The following SRGAP3 variants were observed in gnomAD, a reference collection of about 807,000 sequenced individuals.
The protein encoded by SRGAP3 is SLIT-ROBO Rho GTPase activating protein 3, also known as SLIT-ROBO Rho GTPase-activating protein 3.
In SRGAP3, 39 loss-of-function variants were observed where a neutral mutation model predicts 121.1. The observed-to-expected ratio is 0.32, with a 90% CI of 0.25 to 0.42. The LOEUF is 0.42. Among genes scored for constraint, SRGAP3 ranks in the 10% least tolerant of loss-of-function variants. The pLI is 1.00. For missense variants in SRGAP3, 1,213 were observed against 1,470.6 expected (o/e 0.82, Z 2.86); for synonymous variants, 601 against 570.0 (o/e 1.05, Z -0.77).
At chr3:9,207,098 G>T (rs1952291520) in intron 1 of SRGAP3, among the ~76,000 whole-genome samples, 2 of 152,150 alleles carry the variant, frequency 1.3e-5, no homozygotes, top group South Asian at 4.2e-4. Flanking sequence ...TTTTCAGTGG[G>T]GAAATTAGGA....
chr3:9,231,259 G>A (rs998732793), intron 1 of SRGAP3, among the ~76,000 whole-genome samples: 9 of 152,284 alleles, frequency 5.9e-5, no homozygotes, highest in East Asian at 1.9e-4. Context: ...GGGCATTCCC[G>A]TTTCTTGGGA....
chr3:9,194,720 C>T (rs1004406810), intron 1 of SRGAP3, among the ~76,000 whole-genome samples: 1 of 152,222 alleles, frequency 6.6e-6, no homozygotes, highest in Non-Finnish European at 1.5e-5. Flanking sequence ...GAACCCAGGG[C>T]TCCAGGCTTC....
At chr3:9,286,384 G>A (rs1025004904) in intron 3 of SRGAP3, among the ~76,000 whole-genome samples, 1 of 151,896 alleles carries the variant, frequency 6.6e-6, no homozygotes, top group African/African-American at 2.4e-5. Flanking sequence ...AGGTTGGCTG[G>A]GCACGGTGGC....
At chr3:9,034,405 C>A (rs998338129) in intron 11 of SRGAP3, 6 of 152,218 alleles carry the variant, frequency 3.9e-5, no homozygotes, top group Non-Finnish European at 7.3e-5. Flanking sequence ...GACTATGCAG[C>A]CAATCAGGAT....
At chr3:9,013,166 G>C in intron 17 of SRGAP3, 142 bp downstream of exon 17, 1 of 796,268 alleles carries the variant, frequency 1.3e-6, no homozygotes, top group Non-Finnish European at 2.1e-6. Context: ...CTCATGTGAA[G>C]CTGCTGTGAA....
intron 3 of SRGAP3, among the ~76,000 whole-genome samples, chr3:9,272,136 C>T (rs182338692): frequency 6.6e-6 from 1 of 152,364 alleles, no homozygotes; most frequent in East Asian, 1.9e-4. Flanking sequence ...AGGTCATTCA[C>T]AGCCCCCTGG....
At chr3:9,167,671 AG>A (rs1223286927) in intron 1 of SRGAP3, among the ~76,000 whole-genome samples, 1 of 152,202 alleles carries the variant, frequency 6.6e-6, no homozygotes, top group African/African-American at 2.4e-5. Flanking sequence ...CCAGATGTCC[AG>A]GGTGCAACTT....
chr3:9,175,295 T>C (rs1951137905), intron 1 of SRGAP3, among the ~76,000 whole-genome samples: 1 of 152,356 alleles, frequency 6.6e-6, no homozygotes. Flanking sequence ...TGGTTTCTTA[T>C]GGTTTCTTCT....
chr3:9,184,570 CATT>C (rs1461182235), intron 1 of SRGAP3, among the ~76,000 whole-genome samples: 2 of 152,084 alleles, frequency 1.3e-5, no homozygotes, highest in Non-Finnish European at 2.9e-5. Context: ...TTGTTAATGT[CATT>C]ATTATTATTA....
chr3:9,060,731 G>A (rs1946119990), intron 5 of SRGAP3, among the ~76,000 whole-genome samples: 1 of 126,326 alleles, frequency 7.9e-6, no homozygotes, highest in Non-Finnish European at 1.7e-5. Context: ...GAGCCACCAT[G>A]CCCGGCCCAG....
At chr3:9,004,089 C>A (rs995145144) in intron 18 of SRGAP3, among the ~76,000 whole-genome samples, 7 of 152,030 alleles carry the variant, frequency 4.6e-5, no homozygotes, top group African/African-American at 1.7e-4. Context: ...TATTTCCATA[C>A]ACTCATAATG....
intron 3 of SRGAP3, 124 bp downstream of exon 3, chr3:9,104,554 CCT>C: frequency 7.8e-7 from 1 of 1,285,874 alleles, no homozygotes; most frequent in South Asian, 1.3e-5. Context: ...CCACTTGCAT[CCT>C]TCAATGCACC....
In SRGAP3 at chr3:9,362,413, C is replaced by T. The variant is rs1300067425; in HGVS notation, n.214+427G>A. 2.0e-5 allele frequency among the ~76,000 whole-genome samples: 3 copies of T among 150,714 alleles called. No individual in the cohort carries two copies. The East Asian group carries it at 5.9e-4, about 29-fold the overall frequency. Reference sequence around the variant, plus strand: ...TCCTGACCTCAAGTGATCCACCCGCCTCAGCCTCCCAAAGTGCTGGGATTA... The same window carrying T: ...TCCTGACCTCAAGTGATCCACCCGCTTCAGCCTCCCAAAGTGCTGGGATTA... On this transcript the variant is annotated intron_variant and non_coding_transcript_variant, in intron 1 of 3. Coordinates refer to the SRGAP3 transcript ENST00000490889.
chr3:9,101,782 TAA>T (rs920996507), intron 3 of SRGAP3, among the ~76,000 whole-genome samples: 22 of 152,328 alleles, frequency 1.4e-4, no homozygotes, highest in African/African-American at 5.3e-4. Context: ...TCTGCCACCA[TAA>T]GAGTCCTGAT....
chr3:9,149,275 C>T (rs1353452733), intron 1 of SRGAP3, among the ~76,000 whole-genome samples: 1 of 151,616 alleles, frequency 6.6e-6, no homozygotes, highest in Non-Finnish European at 1.5e-5. Context: ...CCATCTGGCA[C>T]ATGTGTCTTC....
In SRGAP3 at chr3:8,981,719, T is replaced by G. The variant is rs930268829; in HGVS notation, c.*3800A>C. On this transcript the variant is annotated 3_prime_UTR_variant, in exon 22 of 22. Transcript: ENST00000383836. ...CGGTTTTAAATGTTTATAAGGCAGA[T>G]CTCTGAACTGCTGGTTCCAGCCGAT... is the stretch of plus-strand genomic sequence containing the variant. The G allele has an allele frequency of 8.7e-6, 2 of 230,928 alleles. No homozygotes were observed. The highest frequency in any genetic ancestry group is 4.4e-5 in the African/African-American group (2 of 45,200). The allele number at this position is 230,928 out of a possible 1,614,324, so 14.3% of individuals were successfully genotyped here. A position where few individuals can be genotyped will look rare whatever the true frequency, so the allele number is the denominator to read the frequency against.
chr3:9,350,322 G>A (rs1057381166), intron 1 of SRGAP3, among the ~76,000 whole-genome samples: 3 of 152,190 alleles, frequency 2.0e-5, no homozygotes, highest in Non-Finnish European at 4.4e-5. Flanking sequence ...AGTAGGGAAG[G>A]TCTTATTTAA....
chr3:9,253,861 T>A (rs977088483), upstream of SRGAP3, among the ~76,000 whole-genome samples: 5 of 152,258 alleles, frequency 3.3e-5, no homozygotes, highest in African/African-American at 9.6e-5. Context: ...CAAGTAGGGC[T>A]GTTTTCAATA....
intron 7 of SRGAP3, among the ~76,000 whole-genome samples, chr3:9,057,401 G>A (rs1330920782): frequency 1.3e-5 from 2 of 152,252 alleles, no homozygotes; most frequent in African/African-American, 4.8e-5. Context: ...TGGTCACCAT[G>A]AGGCCAGCAT....
Sources: gnomAD v4.1 joint callset for allele counts (sites outside exome capture counted in the v4.1 genomes callset) on GRCh38, gnomAD v4.1.1 for gene constraint, MANE v1.5 for transcripts, NCBI Gene and HGNC (gene_info 2026-07-23, HGNC 2026-07-21) for gene names.